Variants in MAST2 observed in about 807,000 individuals in gnomAD.
MAST2 encodes the protein microtubule-associated serine/threonine-protein kinase 2.
In MAST2, 70 loss-of-function variants were observed where a neutral mutation model predicts 147.4. That is an observed-to-expected ratio of 0.47 (90% CI 0.39 to 0.58). MAST2 has a LOEUF of 0.58. Among genes scored for constraint, MAST2 ranks in the 20% least tolerant of loss-of-function variants. MAST2 has a pLI of 0.00. For synonymous variants in MAST2, 869 were observed against 896.8 expected (o/e 0.97, Z 0.55); for missense variants, 2,080 against 2,302.3 (o/e 0.90, Z 1.98).
At chr1:45,982,853 G>A (rs903155304) in intron 5 of MAST2, among the ~76,000 whole-genome samples, 1 of 152,104 alleles carries the variant, frequency 6.6e-6, no homozygotes, top group African/African-American at 2.4e-5. Context: ...TTAAACTGTG[G>A]GGTCTATGCT....
intron 10 of MAST2, among the ~76,000 whole-genome samples, chr1:46,013,701 A>G (rs1337742186): frequency 1.3e-5 from 2 of 152,046 alleles, no homozygotes; most frequent in Admixed American, 6.6e-5. Context: ...AAAAGAAAAG[A>G]AAAAGACACA....
intron 1 of MAST2, among the ~76,000 whole-genome samples, chr1:45,814,171 C>T (rs1217677189): frequency 2.0e-5 from 3 of 152,056 alleles, no homozygotes; most frequent in Non-Finnish European, 2.9e-5. Context: ...ATGTATTTAC[C>T]ATACTATACT....
Position 46,027,784 on chromosome 1 carries a change from A to T in MAST2, c.1973A>T (p.Lys658Ile), listed in dbSNP as rs950696139. 3.1e-6 allele frequency: 5 copies of T among 1,614,110 alleles called. No individual in the cohort carries two copies. The African/African-American group carries it at 6.7e-5, about 22-fold the overall frequency. Reference sequence around the variant, plus strand: ...AAGCTCACGGACTTTGGACTGTCCAAAATTGGCCTCATGAGTCTGACAACG... The same window carrying T: ...AAGCTCACGGACTTTGGACTGTCCATAATTGGCCTCATGAGTCTGACAACG... ...HIKLTDFGLSKIGLMSLTTNL... is the reference protein window; with the variant it reads ...HIKLTDFGLSIIGLMSLTTNL... Residue 658 changes from lysine (K) to isoleucine (I), a missense_variant, in exon 17 of 29, where the codon AAA (lysine) becomes ATA (isoleucine). Around this residue, in one of 4 missense-constraint regions of MAST2, gnomAD observed 209 missense variants for 309.5 expected, o/e 0.68. Coordinates refer to ENST00000361297, the MANE Select transcript of MAST2 (RefSeq NM_015112.3).
At chr1:46,029,991 AC>A (rs1557509003) in intron 20 of MAST2, 38 bp downstream of exon 20, 1 of 1,612,422 alleles carries the variant, frequency 6.2e-7, no homozygotes, top group South Asian at 1.1e-5. Context: ...GATGGGTCCT[AC>A]CTGTTTGCCT....
Position 45,824,505 on chromosome 1 carries a change from A to T in MAST2, c.250A>T (p.Lys84Ter). The change falls in exon 2 of 29, where the codon AAA becomes TAA. Residue 84 changes from lysine to a stop codon, truncating the protein, a stop_gained. Coordinates refer to ENST00000361297, the MANE Select transcript of MAST2 (RefSeq NM_015112.3). LOFTEE classifies it high-confidence loss of function. ...TCCTGACATATTTTCATCCACTGGA[A>T]AAGTTAAACTTCAGCGACAACTGAG... Reference protein sequence around the residue: ...SNPDIFSSTGKVKLQRQLSQD... With the variant: ...SNPDIFSSTG The T allele has an allele frequency of 6.2e-7, 1 of 1,612,474 alleles. No homozygotes were observed. Among genetic ancestry groups the T allele is most frequent in the East Asian group, 2.2e-5 (1 of 44,828 alleles).
intron 6 of MAST2, among the ~76,000 whole-genome samples, chr1:45,998,820 C>T (rs1471817089): frequency 6.6e-6 from 1 of 151,888 alleles, no homozygotes; most frequent in Non-Finnish European, 1.5e-5. Context: ...CTCCGCCTCC[C>T]GGGTTCACGC....
intron 1 of MAST2, among the ~76,000 whole-genome samples, chr1:45,824,064 A>AT (rs902822838): frequency 6.6e-5 from 10 of 152,064 alleles, no homozygotes; most frequent in East Asian, 1.9e-4. Flanking sequence ...CCATTTAATG[A>AT]TTTTTTTTAA....
At chr1:45,922,120 G>T (rs1192629988) in intron 4 of MAST2, among the ~76,000 whole-genome samples, 3 of 152,162 alleles carry the variant, frequency 2.0e-5, no homozygotes, top group Non-Finnish European at 4.4e-5. Flanking sequence ...TCTCCCTATG[G>T]TCCCTCCCTC....
intron 4 of MAST2, among the ~76,000 whole-genome samples, chr1:45,884,572 T>TA (rs1646999257): frequency 6.6e-6 from 1 of 151,792 alleles, no homozygotes; most frequent in African/African-American, 2.4e-5. Context: ...AATAAATAAA[T>TA]AAAAAAGCCT....
rs1278015021 is a variant in MAST2 at position 45,986,910 on chromosome 1, T to C, written c.593-10814T>C. Among the ~76,000 whole-genome samples, 3 of 152,180 alleles carry C rather than the reference T, an allele frequency of 2.0e-5. 1 individual carries two copies. In the East Asian group the frequency reaches 5.8e-4, roughly 29 times the overall value. On this transcript the variant is annotated intron_variant, in intron 5 of 28. Coordinates refer to ENST00000361297, the MANE Select transcript of MAST2 (RefSeq NM_015112.3). ...CCTCATAGTTATGAATTGGGAAGTA[T>C]TCCCTCCTCTTCAATTTTCTGGAAG...
At chr1:45,856,989 C>T (rs1274955032) in intron 3 of MAST2, among the ~76,000 whole-genome samples, 1 of 152,136 alleles carries the variant, frequency 6.6e-6, no homozygotes, top group African/African-American at 2.4e-5. Context: ...TCAATATGTT[C>T]AGTATCTCAA....
chr1:46,009,616 GTCC>G (rs1156430175), intron 9 of MAST2, among the ~76,000 whole-genome samples: 4 of 152,310 alleles, frequency 2.6e-5, no homozygotes, highest in African/African-American at 4.8e-5. Flanking sequence ...TCTCATGCTT[GTCC>G]TCCTCCTCCT....
intron 4 of MAST2, among the ~76,000 whole-genome samples, chr1:45,929,230 C>T (rs1249449200): frequency 6.6e-6 from 1 of 151,958 alleles, no homozygotes; most frequent in African/African-American, 2.4e-5. Context: ...TTTTTTTACC[C>T]TGAAGTACAG....
At chr1:45,812,910 T>C (rs899339032) in intron 1 of MAST2, among the ~76,000 whole-genome samples, 3 of 152,150 alleles carry the variant, frequency 2.0e-5, no homozygotes, top group African/African-American at 7.2e-5. Context: ...GTGTTTGATT[T>C]TTTTCTTAAC....
chr1:45,975,488 G>T, intron 5 of MAST2, among the ~76,000 whole-genome samples: 2 of 76,796 alleles, frequency 2.6e-5, no homozygotes, highest in African/African-American at 1.2e-4. Context: ...GTGAGTCCCT[G>T]TCTCTCCAAA....
intron 3 of MAST2, among the ~76,000 whole-genome samples, chr1:45,834,470 C>G (rs1188237689): frequency 1.3e-5 from 2 of 151,964 alleles, no homozygotes; most frequent in Admixed American, 1.3e-4. Context: ...CTTATTTTCC[C>G]CATATATGTA....
In MAST2 at chr1:46,030,283, CAGA is replaced by C. The variant is rs369559825; in HGVS notation, c.2553+52_2553+54del. On this transcript the variant is annotated intron_variant, in intron 21 of 28. Coordinates refer to ENST00000361297, the MANE Select transcript of MAST2 (RefSeq NM_015112.3). ...GAATGGGCAGAACAGGCTGGAGGAT[CAGA>C]AGAAGAGGGCCTGTCAAAGGGCACA... 5.1e-6 allele frequency: 8 copies of C among 1,578,556 alleles called. No homozygotes were observed. The African/African-American group carries it at 5.4e-5, about 11-fold the overall frequency.
chr1:45,839,346 T>A (rs1645204393), intron 3 of MAST2, among the ~76,000 whole-genome samples: 1 of 152,114 alleles, frequency 6.6e-6, no homozygotes, highest in South Asian at 2.1e-4. Context: ...GCCAGGCTGG[T>A]CTCAAACTCC....
chr1:45,936,231 TG>T (rs1424465737), intron 4 of MAST2, among the ~76,000 whole-genome samples: 2 of 152,224 alleles, frequency 1.3e-5, no homozygotes, highest in African/African-American at 4.8e-5. Context: ...TACTGATTTT[TG>T]TATGTTGATT....
Sources: allele counts gnomAD v4.1 joint callset (sites outside exome capture counted in the v4.1 genomes callset), GRCh38; gene constraint gnomAD v4.1.1; regional missense constraint gnomAD v4.1.1; transcripts MANE v1.5; gene names NCBI Gene and HGNC (gene_info 2026-07-23, HGNC 2026-07-21).